TCF7L2: variants seen among roughly 807,000 people sequenced by gnomAD.
TCF7L2 encodes the protein transcription factor 7 like 2, also known as transcription factor 7-like 2.
A neutral mutation model predicts 77.9 loss-of-function variants in TCF7L2; 23 were observed. The observed-to-expected ratio is 0.30, with a 90% confidence interval of 0.21 to 0.42. The LOEUF is 0.42. Among genes scored for constraint, TCF7L2 ranks in the 10% least tolerant of loss-of-function variants. The pLI is 1.00. For synonymous variants in TCF7L2, 413 were observed against 340.2 expected (o/e 1.21, Z -2.36); for missense variants, 654 against 793.1 (o/e 0.82, Z 2.11).
intron 5 of TCF7L2, among the ~76,000 whole-genome samples, chr10:113,062,268 C>G (rs541045289): frequency 1.3e-5 from 2 of 152,304 alleles, no homozygotes; most frequent in Admixed American, 1.3e-4. Context: ...TTGCCTACCC[C>G]TGCTGTTGCC....
intron 5 of TCF7L2, among the ~76,000 whole-genome samples, chr10:113,111,402 A>T (rs1233011936): frequency 2.0e-5 from 3 of 152,230 alleles, no homozygotes; most frequent in Admixed American, 2.0e-4. Flanking sequence ...TCAGTGAATG[A>T]ATCTCCAAGT....
chr10:113,098,415 T>C (rs2061290933), intron 5 of TCF7L2, among the ~76,000 whole-genome samples: 2 of 152,062 alleles, frequency 1.3e-5, no homozygotes, highest in South Asian at 2.1e-4. Context: ...ATTTAAAAAA[T>C]TGTATTTTAG....
At position 112,964,550 on chromosome 10, in the gene TCF7L2, C is replaced by T; in HGVS notation, c.382-6C>T. On this transcript the variant is annotated splice_region_variant and splice_polypyrimidine_tract_variant and intron_variant, in intron 3 of 13. Coordinates refer to ENST00000627217, the MANE Select transcript of TCF7L2 (RefSeq NM_001146274.2). ...CAGAACGCTTTGATTTGGTTTCTTT[C>T]TACAGCTCCATTTTCAGTCCGGCAG... is the stretch of plus-strand genomic sequence containing the variant. 1.2e-6 allele frequency: 2 copies of T among 1,613,058 alleles called. No individual in the cohort carries two copies. Among genetic ancestry groups the T allele is most frequent in the Non-Finnish European group, 1.7e-6 (2 of 1,179,270 alleles).
At chr10:113,130,023 A>G (rs1044614633) in intron 5 of TCF7L2, 1 of 1,216,930 alleles carries the variant, frequency 8.2e-7, no homozygotes, top group Admixed American at 3.1e-5. Context: ...GTATGGGGGG[A>G]TGTGTGTATG....
At chr10:113,062,246 C>T (rs945247997) in intron 5 of TCF7L2, among the ~76,000 whole-genome samples, 2 of 152,170 alleles carry the variant, frequency 1.3e-5, no homozygotes, top group East Asian at 3.9e-4. Flanking sequence ...TCTCCTCAAA[C>T]CCCTGTGTTC....
chr10:113,000,550 A>G (rs2133332888), intron 4 of TCF7L2, among the ~76,000 whole-genome samples: 1 of 152,328 alleles, frequency 6.6e-6, no homozygotes, highest in East Asian at 1.9e-4. Context: ...GAGGCCTAGC[A>G]CATAGCAAAG....
At chr10:113,053,612 A>G (rs2054839128) in intron 5 of TCF7L2, among the ~76,000 whole-genome samples, 1 of 152,218 alleles carries the variant, frequency 6.6e-6, no homozygotes, top group Admixed American at 6.5e-5. Context: ...ACTTAATCCC[A>G]GAATTCACAT....
chr10:113,130,029 G>A (rs1216728757), intron 5 of TCF7L2: 2 of 1,195,816 alleles, frequency 1.7e-6, no homozygotes, highest in Admixed American at 3.4e-5. Context: ...GGGGATGTGT[G>A]TATGTTCGTG....
chr10:113,112,071 G>GA (rs2063202082), intron 5 of TCF7L2, among the ~76,000 whole-genome samples: 1 of 152,224 alleles, frequency 6.6e-6, no homozygotes, highest in Admixed American at 6.5e-5. Context: ...AGGTGATTGC[G>GA]ACATGCTTTC....
At chr10:112,975,854 A>G (rs1181037515) in intron 4 of TCF7L2, among the ~76,000 whole-genome samples, 1 of 152,224 alleles carries the variant, frequency 6.6e-6, no homozygotes, top group Non-Finnish European at 1.5e-5. Context: ...CAAAAATGTG[A>G]CAACTGAAAA....
At chr10:112,960,910 C>G (rs934784419) in intron 3 of TCF7L2, among the ~76,000 whole-genome samples, 28 of 152,154 alleles carry the variant, frequency 1.8e-4, no homozygotes, top group African/African-American at 6.0e-4. Context: ...CCAGGCTGGT[C>G]TGGAACTCCT....
Position 112,950,672 on chromosome 10 carries a change from G to A in TCF7L2, c.-85G>A, listed in dbSNP as rs1397596262. On this transcript the variant is annotated 5_prime_UTR_variant, in exon 1 of 14. Coordinates refer to ENST00000627217, the MANE Select transcript of TCF7L2 (RefSeq NM_001146274.2). ...TTTTCTTGCAATATTTTTTGGGGGGGCAAAACTTTTTGGGGGTGATTTTTT... is the reference window on the plus strand; with the variant it reads ...TTTTCTTGCAATATTTTTTGGGGGGACAAAACTTTTTGGGGGTGATTTTTT... 14 of 1,481,658 alleles carry A rather than the reference G, an allele frequency of 9.4e-6. No homozygotes were observed. In the South Asian group the frequency reaches 1.8e-4, roughly 19 times the overall value. 91.8% of individuals were successfully genotyped at this position (1,481,658 alleles called of 1,614,324 possible). A position where few individuals can be genotyped will look rare whatever the true frequency, so the allele number is the denominator to read the frequency against.
intron 5 of TCF7L2, chr10:113,126,629 A>G: frequency 2.0e-6 from 2 of 984,694 alleles, no homozygotes; most frequent in South Asian, 4.7e-5. Flanking sequence ...GGGAGATCCC[A>G]GTTATTGTGC....
chr10:113,161,242 G>A (rs1215276833), intron 13 of TCF7L2: 3 of 357,330 alleles, frequency 8.4e-6, no homozygotes, highest in African/African-American at 2.1e-5. Context: ...TTACAGTGCT[G>A]AAAAAGAAGC....
chr10:113,014,257 CTA>C (rs1223508002), intron 4 of TCF7L2, among the ~76,000 whole-genome samples: 9 of 152,320 alleles, frequency 5.9e-5, no homozygotes, highest in Middle Eastern at 3.4e-3. Context: ...GACCCAGTAA[CTA>C]TAAAGCCCCC....
At chr10:113,112,404 T>C (rs1256820632) in intron 5 of TCF7L2, among the ~76,000 whole-genome samples, 5 of 152,156 alleles carry the variant, frequency 3.3e-5, no homozygotes, top group Non-Finnish European at 5.9e-5. Context: ...AGCACCAATC[T>C]TGGGGCAGAG....
At chr10:112,963,690 A>T (rs577463577) in intron 3 of TCF7L2, among the ~76,000 whole-genome samples, 55 of 152,216 alleles carry the variant, frequency 3.6e-4, no homozygotes, top group Non-Finnish European at 6.5e-4. Flanking sequence ...AAGATTAGCA[A>T]GTATTACTTG....
intron 4 of TCF7L2, among the ~76,000 whole-genome samples, chr10:112,995,475 A>G (rs570854254): frequency 2.8e-4 from 43 of 152,246 alleles, no homozygotes; most frequent in African/African-American, 8.9e-4. Context: ...TTCCTTGGAC[A>G]CCGGTGGTGC....
intron 4 of TCF7L2, among the ~76,000 whole-genome samples, chr10:113,039,589 G>T (rs943688648): frequency 1.3e-5 from 2 of 152,168 alleles, no homozygotes; most frequent in African/African-American, 4.8e-5. Flanking sequence ...AAAAACGGAG[G>T]TTGAAAAGGA....
Sources: allele counts gnomAD v4.1 joint callset (sites outside exome capture counted in the v4.1 genomes callset), GRCh38; gene constraint gnomAD v4.1.1; transcripts MANE v1.5; gene names NCBI Gene and HGNC (gene_info 2026-07-23, HGNC 2026-07-21).